IRF7: variants seen among roughly 807,000 people sequenced by gnomAD.
IRF7 encodes the protein interferon regulatory factor 7.
In IRF7, 67 loss-of-function variants were observed where a neutral mutation model predicts 51.3. That is an observed-to-expected ratio of 1.31 (90% CI 1.07 to 1.60). The LOEUF is 1.60. IRF7 is among the 40% of genes most tolerant of loss of function. The pLI is 0.00. For missense variants in IRF7, 873 were observed against 701.5 expected (o/e 1.24, Z -2.76); for synonymous variants, 427 against 301.3 (o/e 1.42, Z -4.32).
Position 614,344 on chromosome 11 carries a change from C to T in IRF7, c.509G>A (p.Gly170Asp), listed in dbSNP as rs1405083212. 3 of 1,610,412 alleles carry T rather than the reference C, an allele frequency of 1.9e-6. No homozygotes were observed. Among genetic ancestry groups the T allele is most frequent in the East Asian group, 4.5e-5 (2 of 44,832 alleles). The change falls in exon 6 of 11, where the codon GGC (glycine) becomes GAC (aspartate). Residue 170 changes from glycine (G) to aspartate (D), a missense_variant. Coordinates refer to ENST00000525445, the MANE Select transcript of IRF7 (RefSeq NM_001572.5). ...AHTHAGLQAP[G>D]PLPAPAGDKG... ...GTCACCAGCTGGGGCAGGGAGGGGG[C>T]CTGGGGCTTGGAGTCCAGCATGTGT...
chr11:615,292 G>C, intron 2 of IRF7, 33 bp from the exon 3 acceptor site: 1 of 1,573,926 alleles, frequency 6.4e-7, no homozygotes, highest in Middle Eastern at 1.7e-4. Flanking sequence ...AGTCAGGGCC[G>C]GCTGCAGGGC....
In IRF7 at chr11:615,291, C is replaced by T. The variant is rs891979881; in HGVS notation, c.21-32G>A. 3.2e-6 allele frequency: 5 copies of T among 1,575,182 alleles called. No individual in the cohort carries two copies. The highest frequency in any genetic ancestry group is 1.3e-5 in the African/African-American group (1 of 74,222). On this transcript the variant is annotated intron_variant, in intron 2 of 10. Transcript: ENST00000525445. The stretch of plus-strand genomic sequence containing the variant: ...GTGCCCGGCCGCGGAGAGTCAGGGC[C>T]GGCTGCAGGGCGCTCGGGGACTGGC...
chr11:615,276 G>A lies in IRF7; in HGVS notation c.21-17C>T, dbSNP rs1286896643. The A allele has an allele frequency of 3.2e-6, 5 of 1,580,350 alleles. No individual in the cohort carries two copies. The highest frequency in any genetic ancestry group is 1.3e-5 in the African/African-American group (1 of 74,502). On this transcript the variant is annotated splice_polypyrimidine_tract_variant and intron_variant, in intron 2 of 10. Coordinates refer to ENST00000525445, the MANE Select transcript of IRF7 (RefSeq NM_001572.5). ...GGGGCTGCCCTGCGGGTGCCCGGCC[G>A]CGGAGAGTCAGGGCCGGCTGCAGGG...
intron 4 of IRF7, 129 bp downstream of exon 4, chr11:614,668 C>T: frequency 7.2e-7 from 1 of 1,392,586 alleles, no homozygotes; most frequent in Admixed American, 2.2e-5. Flanking sequence ...ATGTGGCTCT[C>T]CACCTGTCCT....
At position 613,774 on chromosome 11, in the gene IRF7, G is replaced by T. The variant is rs574101679; in HGVS notation, c.847+11C>A. On this transcript the variant is annotated intron_variant, in intron 8 of 10. Coordinates refer to ENST00000525445, the MANE Select transcript of IRF7 (RefSeq NM_001572.5). ...GCGGGGACAGGCTGCCCCTTCCTGG[G>T]ATGCACTCACCTTGCACCGCGGTGC... 2 of 1,542,756 alleles carry T rather than the reference G, an allele frequency of 1.3e-6. No individual in the cohort carries two copies. Among genetic ancestry groups the T allele is most frequent in the Non-Finnish European group, 8.7e-7 (1 of 1,153,516 alleles).
chr11:614,436 G>A (rs1856695770), intron 5 of IRF7, 37 bp from the exon 6 acceptor site: 9 of 1,580,682 alleles, frequency 5.7e-6, no homozygotes, highest in African/African-American at 1.3e-5. Context: ...AAGCAGCTCC[G>A]CGGCCTGGCA....
Position 613,530 on chromosome 11 carries a change from C to T in IRF7, c.913G>A (p.Val305Met), listed in dbSNP as rs1311792827. Residue 305 changes from valine to methionine, a missense_variant, in exon 9 of 11, where the codon GTG becomes ATG. Val to Met is a conservative substitution (Grantham distance 21, BLOSUM62 1). Coordinates refer to ENST00000525445, the MANE Select transcript of IRF7 (RefSeq NM_001572.5). ...AGGAACGTGCAGCTCGGGTGTCCCA[C>T]CACCTTCTGCAGCACCGTGCGGCCC... ...YKGRTVLQKV[V>M]GHPSCTFLYG... The T allele has an allele frequency of 3.2e-6, 5 of 1,569,756 alleles. No individual in the cohort carries two copies. Among genetic ancestry groups the T allele is most frequent in the Non-Finnish European group, 4.3e-6 (5 of 1,159,786 alleles).
rs764551322 is a variant in IRF7, at chr11:613,504, T to G, written c.939A>C (p.Leu313=). 1 of 1,553,482 alleles carries G rather than the reference T, an allele frequency of 6.4e-7. No individual in the cohort carries two copies. The highest frequency in any genetic ancestry group is 2.0e-5 in the Admixed American group (1 of 50,514). Residue 313 remains leucine (L), a synonymous_variant, in exon 9 of 11, where the codon CTA becomes CTC. Transcript: ENST00000525445. ...GGACAGCTGGGTCTGGGGGGCCGTA[T>G]AGGAACGTGCAGCTCGGGTGTCCCA... The part of the protein sequence containing the change: ...KVVGHPSCTF[L]YGPPDPAVRA...
rs753604903 is a variant in IRF7, at chr11:613,206, C to A, written c.1237G>T (p.Glu413Ter). 1.3e-6 allele frequency: 2 copies of A among 1,589,406 alleles called. No homozygotes were observed. The highest frequency in any genetic ancestry group is 1.7e-6 in the Non-Finnish European group (2 of 1,166,396). Residue 413 changes from glutamate to a stop codon, truncating the protein, a stop_gained and splice_region_variant, in exon 9 of 11, where the codon GAG (glutamate) becomes TAG (stop). Transcript: ENST00000525445. LOFTEE classifies it high-confidence loss of function. ...PIFDFRVFFQ[E>*]LVEFRARQRR... ...CCCCCCAGGCAAGGGCCTCACTGAC[C>A]TTGGAAGAAGACTCTGAAGTCGAAG...
At position 613,834 on chromosome 11, in the gene IRF7, C is replaced by T. The variant is rs1386319897; in HGVS notation, c.798G>A (p.Gln266=). Residue 266 remains glutamine, a synonymous_variant, in exon 8 of 11, where the codon CAG becomes CAA. Coordinates refer to ENST00000525445, the MANE Select transcript of IRF7 (RefSeq NM_001572.5). ...GEAAAPESPH[Q]AEPYLSPSPS... is the part of the protein sequence containing the mutation. ...GGGAGGGTGACAGGTACGGCTCTGCCTGGTGCGGGGACTCTGGGGCCGCGG... is the reference window on the plus strand; with the variant it reads ...GGGAGGGTGACAGGTACGGCTCTGCTTGGTGCGGGGACTCTGGGGCCGCGG... The T allele has an allele frequency of 6.3e-7, 1 of 1,596,132 alleles. No individual in the cohort carries two copies. The highest frequency in any genetic ancestry group is 8.5e-7 in the Non-Finnish European group (1 of 1,173,978).
chr11:615,016 G>T lies in IRF7; in HGVS notation c.184-9C>A, dbSNP rs1295783994. 1 of 1,546,106 alleles carries T rather than the reference G, an allele frequency of 6.5e-7. No homozygotes were observed. Among genetic ancestry groups the T allele is most frequent in the East Asian group, 2.3e-5 (1 of 43,388 alleles). Reference sequence around the variant, plus strand: ...CGGGCCACAGCCCAGGCCTGAAGAGGGGGACAGAACACGTGTGCCGGGCCC... The same window carrying T: ...CGGGCCACAGCCCAGGCCTGAAGAGTGGGACAGAACACGTGTGCCGGGCCC... On this transcript the variant is annotated splice_polypyrimidine_tract_variant and intron_variant, in intron 3 of 10. Coordinates refer to ENST00000525445, the MANE Select transcript of IRF7 (RefSeq NM_001572.5).
At chr11:612,913 T>C (rs1240993308) in intron 10 of IRF7, 86 bp downstream of exon 10, 3 of 1,577,068 alleles carry the variant, frequency 1.9e-6, no homozygotes, top group African/African-American at 1.4e-5. Flanking sequence ...TGGCCTCCCC[T>C]CCCCCTCTCC....
At position 614,437 on chromosome 11, in the gene IRF7, C is replaced by T. The variant is rs745543423; in HGVS notation, c.454-38G>A. On this transcript the variant is annotated intron_variant, in intron 5 of 10. Transcript: ENST00000525445. Reference sequence around the variant, plus strand: ...GTCAGGGTGAACGTAAGCAGCTCCGCGGCCTGGCAGGAGGAGAGGCAGGCA... The same window carrying T: ...GTCAGGGTGAACGTAAGCAGCTCCGTGGCCTGGCAGGAGGAGAGGCAGGCA... 2.5e-6 allele frequency: 4 copies of T among 1,580,288 alleles called. No individual in the cohort carries two copies. The South Asian group carries it at 3.5e-5, about 14-fold the overall frequency.
Position 613,537 on chromosome 11 carries a change from C to T in IRF7, c.906G>A (p.Gln302=), listed in dbSNP as rs1012424120. Residue 302 remains glutamine, a synonymous_variant, in exon 9 of 11, where the codon CAG becomes CAA. Coordinates refer to ENST00000525445, the MANE Select transcript of IRF7 (RefSeq NM_001572.5). ...TGCAGCTCGGGTGTCCCACCACCTT[C>T]TGCAGCACCGTGCGGCCCTTGTACA... ...TIMYKGRTVL[Q]KVVGHPSCTF... is the part of the protein sequence containing the mutation. The T allele has an allele frequency of 1.3e-6, 2 of 1,576,292 alleles. No homozygotes were observed. Among genetic ancestry groups the T allele is most frequent in the African/African-American group, 1.4e-5 (1 of 73,868 alleles).
At position 614,460 on chromosome 11, in the gene IRF7, G is replaced by A. The variant is rs1291106455; in HGVS notation, c.453+16C>T. ...CGCGGCCTGGCAGGAGGAGAGGCAG[G>A]CAGAGAGAAGGGTACCTGTGGTGGT... On this transcript the variant is annotated intron_variant, in intron 5 of 10. Coordinates refer to ENST00000525445, the MANE Select transcript of IRF7 (RefSeq NM_001572.5). The A allele has an allele frequency of 5.1e-6, 8 of 1,570,602 alleles. No homozygotes were observed. Among genetic ancestry groups the A allele is most frequent in the Non-Finnish European group, 6.9e-6 (8 of 1,157,590 alleles).
chr11:613,562 A>T lies in IRF7; in HGVS notation c.881T>A (p.Met294Lys), dbSNP rs754828739. Residue 294 changes from methionine to lysine, a missense_variant, in exon 9 of 11, where the codon ATG becomes AAG. Coordinates refer to ENST00000525445, the MANE Select transcript of IRF7 (RefSeq NM_001572.5). ...CTGCAGCACCGTGCGGCCCTTGTAC[A>T]TGATGGTCACGTCCAGCGCCCCTGG... ...PSPGALDVTIMYKGRTVLQKV... is the reference protein window; with the variant it reads ...PSPGALDVTIKYKGRTVLQKV... 5 of 1,575,564 alleles carry T rather than the reference A, an allele frequency of 3.2e-6. No homozygotes were observed. Among genetic ancestry groups the T allele is most frequent in the Non-Finnish European group, 1.7e-6 (2 of 1,162,998 alleles).
rs1177043611 is a variant in IRF7, at chr11:613,396, C to G, written c.1047G>C (p.Leu349=). The part of the protein sequence containing the change: ...DQKQLRYTEE[L]LRHVAPGLHL... ...GCAACCCAGGGGCCACGTGCCGCAG[C>G]AGTTCCTCCGTGTAGCGCAGCTGCT... Residue 349 remains leucine, a synonymous_variant, in exon 9 of 11, where the codon CTG becomes CTC. Transcript: ENST00000525445. The G allele has an allele frequency of 1.3e-6, 2 of 1,595,896 alleles. No homozygotes were observed. Among genetic ancestry groups the G allele is most frequent in the Non-Finnish European group, 1.7e-6 (2 of 1,173,462 alleles).
Position 613,574 on chromosome 11 carries a change from T to C in IRF7, c.869A>G (p.Asp290Gly), listed in dbSNP as rs368953537. 5.3e-4 allele frequency: 838 copies of C among 1,567,814 alleles called. No homozygotes were observed. Among genetic ancestry groups the C allele is most frequent in the Non-Finnish European group, 6.9e-4 (798 of 1,159,642 alleles). ...GCGGCCCTTGTACATGATGGTCACGTCCAGCGCCCCTGGGCTGGGCTCTGT... is the reference window on the plus strand; with the variant it reads ...GCGGCCCTTGTACATGATGGTCACGCCCAGCGCCCCTGGGCTGGGCTCTGT... ...AVQEPSPGAL[D>G]VTIMYKGRTV... is the part of the protein sequence containing the mutation. The change falls in exon 9 of 11, where the codon GAC becomes GGC. Residue 290 changes from aspartate (D) to glycine (G), a missense_variant. Coordinates refer to ENST00000525445, the MANE Select transcript of IRF7 (RefSeq NM_001572.5).
chr11:615,120 C>T lies in IRF7; in HGVS notation c.160G>A (p.Glu54Lys), dbSNP rs1856761964. Residue 54 changes from glutamate (E) to lysine (K), a missense_variant, in exon 3 of 11, where the codon GAG becomes AAG. Transcript: ENST00000525445. ...ACCTTGAAGATGCGCGCGTCGGCCT[C>T]GCTCAGGTCCTTGCGCGCGAAGTGC... The part of the protein sequence containing the change: ...WKHFARKDLS[E>K]ADARIFKAWA... 6.3e-7 allele frequency: 1 copy of T among 1,598,222 alleles called. No homozygotes were observed. Among genetic ancestry groups the T allele is most frequent in the Non-Finnish European group, 8.5e-7 (1 of 1,177,506 alleles).
Sources: gnomAD v4.1 joint callset for allele counts on GRCh38, gnomAD v4.1.1 for gene constraint, MANE v1.5 for transcripts, NCBI Gene and HGNC (gene_info 2026-07-23, HGNC 2026-07-21) for gene names.